The following DBNDD1 variants were observed in gnomAD, a reference collection of about 807,000 sequenced individuals.
DBNDD1 encodes the protein dysbindin domain-containing protein 1.
In DBNDD1, 14 loss-of-function variants were observed where a neutral mutation model predicts 17.0. The ratio of observed to expected loss-of-function variants is 0.82; its 90% CI spans 0.54 to 1.29. The LOEUF is 1.29. Ranked by LOEUF, DBNDD1 falls within the 50% of genes most tolerant of loss-of-function variation. The pLI is 0.00. For synonymous variants in DBNDD1, 105 were observed against 102.0 expected (o/e 1.03, Z -0.18); for missense variants, 221 against 216.2 (o/e 1.02, Z -0.14).
At chr16:90,009,885 C>T in intron 1 of DBNDD1, 2 of 1,498,974 alleles carry the variant, frequency 1.3e-6, no homozygotes, top group Non-Finnish European at 9.2e-7. Flanking sequence ...TGTGGACTGA[C>T]TTTTCCTTTT....
Position 90,008,756 on chromosome 16 carries a change from C to A in DBNDD1, c.319+28G>T, listed in dbSNP as rs753427575. On this transcript the variant is annotated intron_variant, in intron 3 of 3. Coordinates refer to ENST00000002501, the MANE Select transcript of DBNDD1 (RefSeq NM_001042610.3). ...GGGCCTCAGCCCACCAGGCACACCT[C>A]CCAGCCCAGCCCTGATGCCGGCCTC... 27 of 1,581,146 alleles carry A rather than the reference C, an allele frequency of 1.7e-5. No individual in the cohort carries two copies. In the South Asian group the frequency reaches 2.8e-4, roughly 16 times the overall value.
intron 1 of DBNDD1, among the ~76,000 whole-genome samples, chr16:90,015,851 C>T (rs2035632626): frequency 6.7e-6 from 1 of 149,846 alleles, no homozygotes; most frequent in East Asian, 2.0e-4. Flanking sequence ...GGGGGGTGGG[C>T]AGTGGAGAAG....
At chr16:90,010,583 C>A (rs2035536785) in intron 1 of DBNDD1, among the ~76,000 whole-genome samples, 1 of 151,014 alleles carries the variant, frequency 6.6e-6, no homozygotes, top group Non-Finnish European at 1.5e-5. Flanking sequence ...CCCGCCTTGG[C>A]CTCCCAAAGT....
rs1159053438 is a variant in DBNDD1, at chr16:90,005,292, C to G, written c.*1043G>C. The G allele has an allele frequency of 6.6e-6, 1 of 152,270 alleles. No homozygotes were observed. The highest frequency in any genetic ancestry group is 2.4e-5 in the African/African-American group (1 of 41,444). 9.4% of individuals were successfully genotyped at this position (152,270 alleles called of 1,614,324 possible). On this transcript the variant is annotated 3_prime_UTR_variant, in exon 4 of 4. Coordinates refer to ENST00000002501, the MANE Select transcript of DBNDD1 (RefSeq NM_001042610.3). ...AGTAAGCTTACACTTTGATATTAAA[C>G]TCATTCTTTGACTTGCTGTCAGGCA...
chr16:90,005,817 T>C lies in DBNDD1; in HGVS notation c.*518A>G, dbSNP rs1163813761. ...TTGGGGCCGCTTCTCCATGTGTGCT[T>C]TGCTGGACAGCACATTGTCCCATTA... On this transcript the variant is annotated 3_prime_UTR_variant, in exon 4 of 4. Transcript: ENST00000002501. 1 of 155,778 alleles carries C rather than the reference T, an allele frequency of 6.4e-6. No individual in the cohort carries two copies. Among genetic ancestry groups the C allele is most frequent in the African/African-American group, 2.4e-5 (1 of 41,522 alleles). The allele number at this position is 155,778 out of a possible 1,614,324, so 9.6% of individuals were successfully genotyped here.
At position 90,005,562 on chromosome 16, in the gene DBNDD1, A is replaced by C. The variant is rs1223969723; in HGVS notation, c.*773T>G. On this transcript the variant is annotated 3_prime_UTR_variant, in exon 4 of 4. Coordinates refer to ENST00000002501, the MANE Select transcript of DBNDD1 (RefSeq NM_001042610.3). ...GTGGCCTAGCAGTGGGTGCAGGACA[A>C]GGAGAGGTGAACCCCACCCCGAGAG... 6.6e-6 allele frequency: 1 copy of C among 152,384 alleles called. No homozygotes were observed. Among genetic ancestry groups the C allele is most frequent in the Non-Finnish European group, 1.5e-5 (1 of 68,152 alleles). 9.4% of individuals were successfully genotyped at this position (152,384 alleles called of 1,614,324 possible).
intron 1 of DBNDD1, among the ~76,000 whole-genome samples, chr16:90,015,005 C>CAAAA (rs35736879): frequency 7.1e-6 from 1 of 140,612 alleles, no homozygotes; most frequent in African/African-American, 2.6e-5. Context: ...ACTCTTGTTT[C>CAAAA]AAAAAAAAAA....
rs913637110 is a variant in DBNDD1, at chr16:90,006,175, G to A, written c.*160C>T. The stretch of plus-strand genomic sequence containing the variant: ...AGACCCGTGCCCAGCAGACAAGGCC[G>A]GTCTCGGGGCTGGCAGAGAGCTGCC... On this transcript the variant is annotated 3_prime_UTR_variant, in exon 4 of 4. Transcript: ENST00000002501. The A allele has an allele frequency of 3.7e-5, 39 of 1,049,224 alleles. No homozygotes were observed. Among genetic ancestry groups the A allele is most frequent in the Admixed American group, 5.6e-5 (2 of 35,834 alleles). The allele number at this position is 1,049,224 out of a possible 1,614,324, so 65.0% of individuals were successfully genotyped here. A position where few individuals can be genotyped will look rare whatever the true frequency, so the allele number is the denominator to read the frequency against.
chr16:90,019,258 C>A lies in DBNDD1; in HGVS notation c.31+53G>T. 9.5e-7 allele frequency: 1 copy of A among 1,048,780 alleles called. No individual in the cohort carries two copies. Among genetic ancestry groups the A allele is most frequent in the Non-Finnish European group, 1.2e-6 (1 of 824,438 alleles). 65.0% of individuals were successfully genotyped at this position (1,048,780 alleles called of 1,614,324 possible). Reference sequence around the variant, plus strand: ...TGAGCCCTGGGGGGAGGGGCTGCGGCTCGCTGCGGGGAAGCGCTGCGCGGG... The same window carrying A: ...TGAGCCCTGGGGGGAGGGGCTGCGGATCGCTGCGGGGAAGCGCTGCGCGGG... On this transcript the variant is annotated intron_variant, in intron 1 of 3. Transcript: ENST00000002501. The surrounding 1 kb of genome is among the most constrained non-coding windows in gnomAD (Gnocchi z 6.1).
At position 90,005,966 on chromosome 16, in the gene DBNDD1, C is replaced by T. The variant is rs1462361053; in HGVS notation, c.*369G>A. ...CTGGGTCCCCTTCACCCCAAGGCCG[C>T]CGTGGGCCACTCCATTCCTCAGCAC... On this transcript the variant is annotated 3_prime_UTR_variant, in exon 4 of 4. Coordinates refer to ENST00000002501, the MANE Select transcript of DBNDD1 (RefSeq NM_001042610.3). The T allele has an allele frequency of 1.0e-5, 2 of 199,522 alleles. No individual in the cohort carries two copies. The highest frequency in any genetic ancestry group is 2.1e-5 in the Non-Finnish European group (2 of 94,448). 12.4% of individuals were successfully genotyped at this position (199,522 alleles called of 1,614,324 possible).
chr16:90,007,095 G>C (rs898623860), intron 3 of DBNDD1: 5 of 153,950 alleles, frequency 3.2e-5, no homozygotes, highest in African/African-American at 1.2e-4. Flanking sequence ...TGGGTGGGAA[G>C]GGTTGCCGCC....
At chr16:90,006,761 C>T in intron 3 of DBNDD1, 2 of 446,650 alleles carry the variant, frequency 4.5e-6, no homozygotes, top group East Asian at 3.5e-5. Context: ...CTGAGCCTCT[C>T]CTGTTTGGTC....
intron 1 of DBNDD1, among the ~76,000 whole-genome samples, chr16:90,017,181 G>T (rs1487943311): frequency 6.6e-6 from 1 of 152,250 alleles, no homozygotes; most frequent in African/African-American, 2.4e-5. Context: ...TGCAAAAATA[G>T]TGTTTTAATA....
At chr16:90,008,639 G>A (rs2035485190) in intron 3 of DBNDD1, 145 bp downstream of exon 3, 1 of 470,948 alleles carries the variant, frequency 2.1e-6, no homozygotes, top group Admixed American at 4.2e-5. Flanking sequence ...CACCTCCCAG[G>A]ACGTCCCAAG....
rs1289149516 is a variant in DBNDD1 at position 90,006,156 on chromosome 16, G to A, written c.*179C>T. ...TGGTCTCCAAGTGAGGCGAAGACCC[G>A]TGCCCAGCAGACAAGGCCGGTCTCG... On this transcript the variant is annotated 3_prime_UTR_variant, in exon 4 of 4. Transcript: ENST00000002501. The A allele has an allele frequency of 1.9e-5, 18 of 942,178 alleles. No homozygotes were observed. The East Asian group carries it at 2.4e-4, about 13-fold the overall frequency. The allele number at this position is 942,178 out of a possible 1,614,324, so 58.4% of individuals were successfully genotyped here. A position where few individuals can be genotyped will look rare whatever the true frequency, so the allele number is the denominator to read the frequency against.
chr16:90,006,585 C>T, intron 3 of DBNDD1, 93 bp from the exon 4 acceptor site: 1 of 1,464,842 alleles, frequency 6.8e-7, no homozygotes, highest in Non-Finnish European at 9.1e-7. Context: ...TGCGCCACTC[C>T]TGCCAATGCT....
intron 1 of DBNDD1, among the ~76,000 whole-genome samples, chr16:90,012,692 C>G (rs559986251): frequency 3.9e-4 from 59 of 152,164 alleles, no homozygotes; most frequent in Non-Finnish European, 8.4e-4. Flanking sequence ...CTCCTGACCT[C>G]AGGTGATCCG....
intron 1 of DBNDD1, among the ~76,000 whole-genome samples, chr16:90,013,456 G>C (rs1356810845): frequency 6.6e-6 from 1 of 152,058 alleles, no homozygotes; most frequent in Non-Finnish European, 1.5e-5. Flanking sequence ...ATGCAGCACA[G>C]GGCTGGCCAG....
In DBNDD1 at chr16:90,014,214, C is replaced by T. The variant is rs1037730570; in HGVS notation, c.32-4784G>A. Among the ~76,000 whole-genome samples the T allele has an allele frequency of 1.4e-4, 22 of 151,978 alleles. 1 individual carries two copies. Among genetic ancestry groups the T allele is most frequent in the Middle Eastern group, 6.8e-3 (2 of 294 alleles). On this transcript the variant is annotated intron_variant, in intron 1 of 3. Coordinates refer to ENST00000002501, the MANE Select transcript of DBNDD1 (RefSeq NM_001042610.3). ...CGATCTCTGCTCACTGCAAACTCCA[C>T]CTCCTGGGTTCAAGGGATCCTCTTG...
Sources: gnomAD v4.1 joint callset for allele counts (sites outside exome capture counted in the v4.1 genomes callset) on GRCh38, gnomAD v4.1.1 for gene constraint, Gnocchi (gnomAD v3.1) non-coding constraint, MANE v1.5 for transcripts, NCBI Gene and HGNC (gene_info 2026-07-23, HGNC 2026-07-21) for gene names.